Variants in FERRY3 observed in about 807,000 individuals in gnomAD.
FERRY3 encodes the protein protein C12orf4.
the FERRY3 span, chr12:4,489,858 A>C: frequency 6.2e-7 from 1 of 1,611,492 alleles, no homozygotes; most frequent in Non-Finnish European, 8.5e-7. Flanking sequence ...AGATCTGGGG[A>C]AGCATGTTAC....
the FERRY3 span, among the ~76,000 whole-genome samples, chr12:4,530,646 T>A: frequency 4.6e-5 from 7 of 152,240 alleles, no homozygotes; most frequent in South Asian, 2.1e-4. Context: ...TAGTTTGACC[T>A]TTTCTAGTGT....
chr12:4,514,652 A>C, the FERRY3 span, among the ~76,000 whole-genome samples: 2 of 149,704 alleles, frequency 1.3e-5, no homozygotes, highest in East Asian at 3.9e-4. Flanking sequence ...AGAACAAAAA[A>C]CCAAACACCG....
At chr12:4,491,082 G>T in the FERRY3 span, 1 of 1,075,438 alleles carries the variant, frequency 9.3e-7, no homozygotes, top group Non-Finnish European at 1.4e-6. Context: ...CTAGATTACA[G>T]GGGTATCTTT....
chr12:4,499,371 T>C, the FERRY3 span, among the ~76,000 whole-genome samples: 1 of 152,196 alleles, frequency 6.6e-6, no homozygotes, highest in Non-Finnish European at 1.5e-5. Flanking sequence ...CATCACCAAG[T>C]TGAGCACTGG....
At chr12:4,531,730 G>A in the FERRY3 span, among the ~76,000 whole-genome samples, 1 of 152,118 alleles carries the variant, frequency 6.6e-6, no homozygotes, top group Non-Finnish European at 1.5e-5. Context: ...TATCTTTCAT[G>A]GCCATCATTA....
At chr12:4,520,825 A>G in the FERRY3 span, among the ~76,000 whole-genome samples, 1 of 152,230 alleles carries the variant, frequency 6.6e-6, no homozygotes, top group Non-Finnish European at 1.5e-5. Flanking sequence ...AAATTATATG[A>G]AAGCAAGATC....
At chr12:4,534,094 T>A in the FERRY3 span, 1 of 1,485,072 alleles carries the variant, frequency 6.7e-7, no homozygotes, top group Non-Finnish European at 9.0e-7. Flanking sequence ...ACCACAGCAT[T>A]TTAAAAATTT....
chr12:4,500,448 G>A, the FERRY3 span: 1 of 909,916 alleles, frequency 1.1e-6, no homozygotes, highest in Non-Finnish European at 1.7e-6. Context: ...GAACTAGTAG[G>A]GGTGTATCCC....
chr12:4,533,532 G>C, the FERRY3 span, among the ~76,000 whole-genome samples: 2 of 152,260 alleles, frequency 1.3e-5, no homozygotes, highest in South Asian at 4.1e-4. Context: ...TATACTTGAT[G>C]TCATCTTGGC....
chr12:4,509,637 C>G, the FERRY3 span, among the ~76,000 whole-genome samples: 43 of 143,428 alleles, frequency 3.0e-4, 1 homozygote, highest in African/African-American at 6.8e-4. Flanking sequence ...GGCAGGGGTA[C>G]ACTGACACCT....
chr12:4,503,854 A>G, the FERRY3 span, among the ~76,000 whole-genome samples: 1 of 151,554 alleles, frequency 6.6e-6, no homozygotes, highest in African/African-American at 2.5e-5. Flanking sequence ...ATATAGCAAC[A>G]AAGAGTTATG....
chr12:4,491,465 A>G, the FERRY3 span, among the ~76,000 whole-genome samples: 1 of 151,870 alleles, frequency 6.6e-6, no homozygotes, highest in African/African-American at 2.4e-5. Flanking sequence ...TACAGTTAAA[A>G]AATATATATA....
chr12:4,496,358 A>G, the FERRY3 span, among the ~76,000 whole-genome samples: 6 of 152,226 alleles, frequency 3.9e-5, no homozygotes, highest in African/African-American at 1.4e-4. Flanking sequence ...ATCTTAGTAT[A>G]TATGATATAA....
the FERRY3 span, among the ~76,000 whole-genome samples, chr12:4,498,050 T>C: frequency 6.6e-6 from 1 of 152,238 alleles, no homozygotes; most frequent in Non-Finnish European, 1.5e-5. Flanking sequence ...CAATATACTT[T>C]TGTGAATTAA....
chr12:4,498,461 T>C, the FERRY3 span, among the ~76,000 whole-genome samples: 6 of 152,166 alleles, frequency 3.9e-5, no homozygotes, highest in African/African-American at 1.2e-4. Context: ...CTTGATACCA[T>C]ATTAGGTATG....
At chr12:4,491,177 C>T in the FERRY3 span, 2 of 1,613,064 alleles carry the variant, frequency 1.2e-6, no homozygotes, top group Admixed American at 3.3e-5. Flanking sequence ...TTATGCTCAC[C>T]TTTGACACAC....
chr12:4,502,594 T>C, the FERRY3 span: 1 of 343,290 alleles, frequency 2.9e-6, no homozygotes, highest in Non-Finnish European at 5.6e-6. This position sits in a 1 kb window ranked among gnomAD's most constrained non-coding sequence, Gnocchi z 4.2. Context: ...TGCGTATCTC[T>C]ACTCTTCCAC....
At chr12:4,531,295 G>C in the FERRY3 span, among the ~76,000 whole-genome samples, 1 of 152,166 alleles carries the variant, frequency 6.6e-6, no homozygotes, top group Non-Finnish European at 1.5e-5. Flanking sequence ...CAGCCTATGG[G>C]ACTTAACTTC....
the FERRY3 span, among the ~76,000 whole-genome samples, chr12:4,510,779 C>T: frequency 8.9e-5 from 13 of 145,590 alleles, no homozygotes; most frequent in South Asian, 8.8e-4. Flanking sequence ...CGGTACCAGC[C>T]GCTGCAAAAT....
Sources: gnomAD v4.1 joint callset for allele counts (sites outside exome capture counted in the v4.1 genomes callset) on GRCh38, gnomAD v4.1.1 for gene constraint, Gnocchi (gnomAD v3.1) non-coding constraint, MANE v1.5 for transcripts, NCBI Gene and HGNC (gene_info 2026-07-23, HGNC 2026-07-21) for gene names.